Variants in HKDC1 observed in about 807,000 individuals in gnomAD.
HKDC1 encodes hexokinase HKDC1.
Under a neutral mutation model 96.6 loss-of-function variants are expected in HKDC1, and 66 were observed. That is an observed-to-expected ratio of 0.68 (90% CI 0.56 to 0.84). The LOEUF (loss-of-function observed/expected upper bound fraction) is 0.84, where lower values mean the gene tolerates loss of function less well. Among genes scored for constraint, HKDC1 ranks in the 40% least tolerant of loss-of-function variants. The pLI, the probability that HKDC1 is intolerant of heterozygous loss-of-function variation, is 0.00. For missense variants in HKDC1, 1,211 were observed against 1,208.1 expected, an observed-to-expected ratio of 1.00 and a Z score of -0.04; for synonymous variants, 466 against 473.1, an observed-to-expected ratio of 0.98 and a Z score of 0.20.
At chr10:69,256,792 A>G (rs1426196349) in intron 12 of HKDC1, among the ~76,000 whole-genome samples, 1 of 152,100 alleles carries the variant, frequency 6.6e-6, no homozygotes, top group African/African-American at 2.4e-5. Flanking sequence ...GCCAGGGAAC[A>G]TGATTTGACC....
At chr10:69,241,199 C>T (rs1027803130) in intron 6 of HKDC1, among the ~76,000 whole-genome samples, 24 of 152,172 alleles carry the variant, frequency 1.6e-4, no homozygotes, top group African/African-American at 5.3e-4. Flanking sequence ...GGTGGAGGCC[C>T]GAGGGTAGGG....
chr10:69,227,051 T>C (rs900275783), intron 1 of HKDC1, among the ~76,000 whole-genome samples, 156 bp from the exon 2 acceptor site: 10 of 152,150 alleles, frequency 6.6e-5, no homozygotes, highest in East Asian at 1.9e-4. Context: ...GTCCTCTGCC[T>C]GAGGAGGGGT....
At chr10:69,227,148 C>T in intron 1 of HKDC1, 59 bp from the exon 2 acceptor site, 1 of 1,588,814 alleles carries the variant, frequency 6.3e-7, no homozygotes, top group African/African-American at 1.3e-5. Context: ...GGGGTTACAG[C>T]CTCGACTGGA....
chr10:69,231,121 G>A (rs372856196), intron 2 of HKDC1, among the ~76,000 whole-genome samples: 7 of 152,278 alleles, frequency 4.6e-5, no homozygotes, highest in African/African-American at 1.7e-4. Flanking sequence ...GATGCGGGCC[G>A]GGAGTGGGAT....
At chr10:69,253,681 C>T (rs1308001376) in intron 12 of HKDC1, among the ~76,000 whole-genome samples, 1 of 152,206 alleles carries the variant, frequency 6.6e-6, no homozygotes, top group African/African-American at 2.4e-5. Context: ...TCATCCTTCA[C>T]TTTCGAGGCA....
At chr10:69,261,656 T>C (rs1843812441) in intron 16 of HKDC1, 1 of 184,938 alleles carries the variant, frequency 5.4e-6, no homozygotes, top group Admixed American at 5.4e-5. Flanking sequence ...AAAAAGCTAA[T>C]GATAAACCTC....
At chr10:69,230,266 C>T (rs1251209728) in intron 2 of HKDC1, among the ~76,000 whole-genome samples, 1 of 152,208 alleles carries the variant, frequency 6.6e-6, no homozygotes, top group Non-Finnish European at 1.5e-5. Context: ...TTTGGCTTGA[C>T]CCCTGCTGGC....
In HKDC1 at chr10:69,232,660, G is replaced by A. The variant is rs992296805; in HGVS notation, c.227-104G>A. 1.1e-5 allele frequency: 11 copies of A among 1,046,564 alleles called. No individual in the cohort carries two copies. The African/African-American group carries it at 1.7e-4, about 17-fold the overall frequency. The allele number at this position is 1,046,564 out of a possible 1,614,324, so 64.8% of individuals were successfully genotyped here. ...CAAATGAGCATAATGATACCTAGTG[G>A]CTGTGATTTGAAGACGTTGATTATA... On this transcript the variant is annotated intron_variant, in intron 2 of 17. Transcript: ENST00000354624.
At position 69,239,060 on chromosome 10, in the gene HKDC1, A is replaced by G. The variant is rs35542013; in HGVS notation, c.514A>G (p.Thr172Ala). ...CTCCCAGGGTGTCCTACTTTCGTGG[A>G]CAAAAAAGTTTAAGGCACGAGGAGT... ...KLEEGVLLSW[T>A]KKFKARGVQD... Residue 172 changes from threonine to alanine, a missense_variant, in exon 5 of 18, where the codon ACA becomes GCA. Physicochemically the swap from Thr to Ala is moderately conservative, Grantham distance 58 (BLOSUM62 0). Transcript: ENST00000354624. 1.2e-6 allele frequency: 2 copies of G among 1,613,552 alleles called. No homozygotes were observed. Among genetic ancestry groups the G allele is most frequent in the African/African-American group, 2.7e-5 (2 of 74,912 alleles).
chr10:69,223,929 C>T (rs1740626157), intron 1 of HKDC1, among the ~76,000 whole-genome samples: 1 of 150,374 alleles, frequency 6.7e-6, no homozygotes, highest in South Asian at 2.1e-4. Flanking sequence ...AAATATTAGG[C>T]TGGATGAAGT....
At chr10:69,258,178 G>A (rs889010024) in intron 14 of HKDC1, among the ~76,000 whole-genome samples, 2 of 152,164 alleles carry the variant, frequency 1.3e-5, no homozygotes, top group African/African-American at 4.8e-5. Context: ...TTGTGAGCTT[G>A]GGCAGGTGGC....
intron 16 of HKDC1, among the ~76,000 whole-genome samples, chr10:69,263,386 A>G (rs1408144616): frequency 6.6e-6 from 1 of 152,150 alleles, no homozygotes; most frequent in African/African-American, 2.4e-5. Context: ...GGCATGAGCC[A>G]CCGCGCCTGG....
At chr10:69,263,109 G>A (rs1843835013) in intron 16 of HKDC1, among the ~76,000 whole-genome samples, 1 of 151,858 alleles carries the variant, frequency 6.6e-6, no homozygotes, top group Admixed American at 6.6e-5. Flanking sequence ...CTGTTGCCTG[G>A]GCTGGAGTGC....
chr10:69,242,864 A>G (rs1193211843), intron 6 of HKDC1, among the ~76,000 whole-genome samples: 2 of 152,390 alleles, frequency 1.3e-5, no homozygotes, highest in East Asian at 3.9e-4. Flanking sequence ...AAAAATATTT[A>G]CAAGATTATC....
chr10:69,222,245 G>C (rs528996950), intron 1 of HKDC1, among the ~76,000 whole-genome samples: 189 of 152,264 alleles, frequency 1.2e-3, no homozygotes, highest in African/African-American at 4.4e-3. Context: ...GAAAGAGAGA[G>C]AGGAAGTGTG....
rs1843442564 is a variant in HKDC1, at chr10:69,240,694, G to A, written c.634G>A (p.Gly212Arg). The A allele has an allele frequency of 1.2e-6, 2 of 1,614,096 alleles. No individual in the cohort carries two copies. Among genetic ancestry groups the A allele is most frequent in the South Asian group, 1.1e-5 (1 of 91,070 alleles). Residue 212 changes from glycine to arginine, a missense_variant, in exon 6 of 18, where the codon GGG becomes AGG. Gly to Arg is a moderately radical substitution (Grantham distance 125, BLOSUM62 -2). Coordinates refer to ENST00000354624, the MANE Select transcript of HKDC1 (RefSeq NM_025130.4). ...CCTGGCCCTGGTCAATGACACCGTG[G>A]GGACCATGATGACCTGTGCCTATGA... ...DILALVNDTV[G>R]TMMTCAYDDP...
chr10:69,266,546 A>T (rs1415928586), intron 17 of HKDC1, 64 bp from the exon 18 acceptor site: 1 of 1,534,682 alleles, frequency 6.5e-7, no homozygotes, highest in African/African-American at 1.4e-5. Context: ...TTAGATTATG[A>T]TCATTTATAA....
intron 17 of HKDC1, 40 bp downstream of exon 17, chr10:69,265,858 G>A: frequency 6.9e-7 from 1 of 1,441,758 alleles, no homozygotes; most frequent in Non-Finnish European, 9.6e-7. Flanking sequence ...GGGCTGGGGA[G>A]GGCTGGCGGC....
At chr10:69,220,677 A>G (rs1445569839) in intron 1 of HKDC1, among the ~76,000 whole-genome samples, 179 bp downstream of exon 1, 3 of 152,170 alleles carry the variant, frequency 2.0e-5, no homozygotes, top group Non-Finnish European at 2.9e-5. Context: ...ACTCCTGGGC[A>G]TTGCATTACT....
Sources: allele counts gnomAD v4.1 joint callset (sites outside exome capture counted in the v4.1 genomes callset), GRCh38; gene constraint gnomAD v4.1.1; transcripts MANE v1.5; gene names NCBI Gene and HGNC (gene_info 2026-07-23, HGNC 2026-07-21).